The following MSI2 variants were observed in gnomAD, a reference collection of about 807,000 sequenced individuals.
MSI2 encodes the protein musashi RNA binding protein 2.
A neutral mutation model predicts 45.6 loss-of-function variants in MSI2; 17 were observed. The observed-to-expected ratio is 0.37, with a 90% confidence interval of 0.26 to 0.56. The LOEUF is 0.56. Ranked by LOEUF, MSI2 falls within the 20% of genes least tolerant of loss-of-function variation. The probability of loss-of-function intolerance (pLI) is 0.77; values close to 1 mark genes in which losing one functional copy is unlikely to be tolerated. For missense variants in MSI2, 293 were observed against 444.2 expected, an observed-to-expected ratio of 0.66 and a Z score of 3.06; for synonymous variants, 156 against 158.2, an observed-to-expected ratio of 0.99 and a Z score of 0.11.
intron 11 of MSI2, among the ~76,000 whole-genome samples, chr17:57,656,358 T>A (rs546057896): frequency 1.3e-5 from 2 of 152,332 alleles, no homozygotes; most frequent in East Asian, 3.9e-4. Context: ...CTTGTTCTTG[T>A]CTTTCTCATA....
intron 5 of MSI2, among the ~76,000 whole-genome samples, chr17:57,346,539 T>C (rs1199999164): frequency 6.6e-6 from 1 of 152,058 alleles, no homozygotes; most frequent in Non-Finnish European, 1.5e-5. Flanking sequence ...AGTTAAATGC[T>C]TTGAAGAACA....
intron 6 of MSI2, among the ~76,000 whole-genome samples, chr17:57,459,965 C>T (rs1301420623): frequency 2.0e-5 from 3 of 151,868 alleles, no homozygotes; most frequent in Non-Finnish European, 4.4e-5. Flanking sequence ...CCCGTCTCTA[C>T]TAAAAATGTA....
intron 11 of MSI2, among the ~76,000 whole-genome samples, chr17:57,669,599 T>C (rs957685786): frequency 2.6e-5 from 4 of 152,202 alleles, no homozygotes; most frequent in Non-Finnish European, 5.9e-5. Context: ...GTGATAACTT[T>C]ATTTAGTTTC....
chr17:57,358,085 C>G (rs544370844), intron 5 of MSI2, among the ~76,000 whole-genome samples: 1 of 152,248 alleles, frequency 6.6e-6, no homozygotes, highest in East Asian at 1.9e-4. Context: ...CGGGGAGTTG[C>G]AAAGCTTGCA....
intron 5 of MSI2, among the ~76,000 whole-genome samples, chr17:57,380,907 G>A (rs894438800): frequency 6.6e-6 from 1 of 152,036 alleles, no homozygotes; most frequent in African/African-American, 2.4e-5. Context: ...GTCTGTCTGT[G>A]CTCCCCCATC....
At chr17:57,347,240 A>AGT (rs1408952264) in intron 5 of MSI2, among the ~76,000 whole-genome samples, 16 of 152,222 alleles carry the variant, frequency 1.1e-4, no homozygotes, top group African/African-American at 3.9e-4. Context: ...ATAAGGATGC[A>AGT]GTGTGTTTCA....
intron 6 of MSI2, among the ~76,000 whole-genome samples, chr17:57,457,338 A>G (rs1222963973): frequency 6.6e-6 from 1 of 152,152 alleles, no homozygotes; most frequent in Non-Finnish European, 1.5e-5. Context: ...AGGAGATGCA[A>G]GGGCTCCATG....
intron 5 of MSI2, among the ~76,000 whole-genome samples, chr17:57,361,371 C>T (rs1025564202): frequency 4.0e-5 from 6 of 151,862 alleles, no homozygotes; most frequent in South Asian, 2.1e-4. Context: ...AAGGCCAAGG[C>T]GGGCAGATGG....
intron 6 of MSI2, among the ~76,000 whole-genome samples, chr17:57,482,652 G>A (rs562146949): frequency 6.6e-6 from 1 of 152,254 alleles, no homozygotes; most frequent in South Asian, 2.1e-4. Flanking sequence ...TCTGAAGCAT[G>A]AGAAGTTTGG....
At chr17:57,479,246 A>G (rs1324608487) in intron 6 of MSI2, among the ~76,000 whole-genome samples, 1 of 152,064 alleles carries the variant, frequency 6.6e-6, no homozygotes, top group Non-Finnish European at 1.5e-5. Flanking sequence ...ATTTTTTGGG[A>G]ATGGGGCTTT....
At chr17:57,543,276 A>T (rs898240016) in intron 7 of MSI2, among the ~76,000 whole-genome samples, 1 of 152,132 alleles carries the variant, frequency 6.6e-6, no homozygotes, top group East Asian at 1.9e-4. Context: ...CTGGCTTAAG[A>T]GGGGGGGAAA....
At chr17:57,273,461 A>G (rs75753222) in intron 5 of MSI2, among the ~76,000 whole-genome samples, 1 of 134,174 alleles carries the variant, frequency 7.5e-6, no homozygotes, top group East Asian at 2.2e-4. Flanking sequence ...CTTGTTAAAA[A>G]TGATTTTTTT....
chr17:57,643,976 G>A (rs1449322498), intron 10 of MSI2, among the ~76,000 whole-genome samples: 1 of 152,160 alleles, frequency 6.6e-6, no homozygotes, highest in African/African-American at 2.4e-5. Flanking sequence ...AGGGACAGAT[G>A]ACAGGTTCCA....
intron 11 of MSI2, among the ~76,000 whole-genome samples, chr17:57,665,698 A>G (rs1912315412): frequency 6.6e-6 from 1 of 151,502 alleles, no homozygotes; most frequent in African/African-American, 2.4e-5. Flanking sequence ...GCCAGCTCCC[A>G]AAAGGACTTG....
At chr17:57,409,083 A>G (rs918834444) in intron 6 of MSI2, among the ~76,000 whole-genome samples, 7 of 152,196 alleles carry the variant, frequency 4.6e-5, no homozygotes, top group Admixed American at 4.6e-4. Flanking sequence ...ATTAGCTAAA[A>G]GTGGGCTGCC....
intron 6 of MSI2, among the ~76,000 whole-genome samples, chr17:57,499,983 A>C (rs974876003): frequency 6.6e-6 from 1 of 152,100 alleles, no homozygotes; most frequent in African/African-American, 2.4e-5. Context: ...AAACAACACA[A>C]GTGAGTCTCA....
chr17:57,382,769 T>C (rs1485991316), intron 5 of MSI2, among the ~76,000 whole-genome samples: 1 of 152,216 alleles, frequency 6.6e-6, no homozygotes, highest in Non-Finnish European at 1.5e-5. Context: ...GCTCAGAAAT[T>C]GTGTTTATTA....
At chr17:57,516,078 T>C (rs1408496143) in intron 6 of MSI2, among the ~76,000 whole-genome samples, 2 of 152,200 alleles carry the variant, frequency 1.3e-5, no homozygotes, top group African/African-American at 4.8e-5. Flanking sequence ...CATGTGTATT[T>C]GTGTGTAATT....
chr17:57,503,104 C>T (rs555952614), intron 6 of MSI2, among the ~76,000 whole-genome samples: 4 of 152,022 alleles, frequency 2.6e-5, no homozygotes, highest in Non-Finnish European at 5.9e-5. Context: ...ATTGATTGTC[C>T]CCAGTTGGCT....
Sources: allele counts gnomAD v4.1 joint callset (sites outside exome capture counted in the v4.1 genomes callset), GRCh38; gene constraint gnomAD v4.1.1; transcripts MANE v1.5; gene names NCBI Gene and HGNC (gene_info 2026-07-23, HGNC 2026-07-21).